The following PTPMT1 variants were observed in gnomAD, a reference collection of about 807,000 sequenced individuals.
PTPMT1 encodes the protein protein tyrosine phosphatase mitochondrial 1, also known as phosphatidylglycerophosphatase and protein-tyrosine phosphatase 1.
PTPMT1 carries 12 observed loss-of-function variants against 17.8 expected under a neutral mutation model. That is an observed-to-expected ratio of 0.67 (90% confidence interval 0.43 to 1.09). PTPMT1 has a LOEUF of 1.09. Among genes scored for constraint, PTPMT1 ranks in the 50% least tolerant of loss-of-function variants. PTPMT1 has a pLI of 0.00. For missense variants in PTPMT1, 262 were observed against 266.0 expected (o/e 0.99, Z 0.10); for synonymous variants, 132 against 116.8 (o/e 1.13, Z -0.84).
At chr11:47,566,077 G>A (rs988370656) in intron 2 of PTPMT1, 91 bp downstream of exon 2, 40 of 1,384,510 alleles carry the variant, frequency 2.9e-5, no homozygotes, top group Non-Finnish European at 3.5e-5. Flanking sequence ...TGTGGGGGAG[G>A]TCACCATGCA....
rs573121358 is a variant in PTPMT1 at position 47,571,771 on chromosome 11, T to C, written c.*142T>C. On this transcript the variant is annotated 3_prime_UTR_variant, in exon 4 of 4. Transcript: ENST00000326674. ...AATAGGTAATTTTTCTTTCTCTGAC[T>C]TGTTTTGTTTTCTTGAAATAACACT... The C allele has an allele frequency of 5.0e-4, 369 of 737,526 alleles. 1 individual carries two copies. In the Middle Eastern group the frequency reaches 5.8e-3, roughly 12 times the overall value. 45.7% of individuals were successfully genotyped at this position (737,526 alleles called of 1,614,324 possible).
chr11:47,571,690 A>G lies in PTPMT1; in HGVS notation c.*61A>G, dbSNP rs2097249820. On this transcript the variant is annotated 3_prime_UTR_variant, in exon 4 of 4. Transcript: ENST00000326674. ...CTTGATACAGAACAAAAAGAGCTTA[A>G]CAGGACCAACAGGGCTTAAGCCCAG... 2.0e-6 allele frequency: 3 copies of G among 1,489,832 alleles called. No individual in the cohort carries two copies. Among genetic ancestry groups the G allele is most frequent in the Non-Finnish European group, 2.8e-6 (3 of 1,084,446 alleles). The allele number at this position is 1,489,832 out of a possible 1,614,324, so 92.3% of individuals were successfully genotyped here. A position where few individuals can be genotyped will look rare whatever the true frequency, so the allele number is the denominator to read the frequency against.
At chr11:47,569,968 G>C in intron 3 of PTPMT1, 77 bp downstream of exon 3, 1 of 1,232,594 alleles carries the variant, frequency 8.1e-7, no homozygotes, top group Non-Finnish European at 1.1e-6. Context: ...TGAGATGGGA[G>C]GATGGCTTGA....
chr11:47,567,636 C>T (rs1440520462), intron 2 of PTPMT1, among the ~76,000 whole-genome samples: 1 of 146,248 alleles, frequency 6.8e-6, no homozygotes, highest in East Asian at 2.2e-4. Context: ...TCTCAGCTCA[C>T]TGCAACCTCT....
At chr11:47,569,133 C>T (rs1471524385) in intron 2 of PTPMT1, among the ~76,000 whole-genome samples, 1 of 152,066 alleles carries the variant, frequency 6.6e-6, no homozygotes, top group Admixed American at 6.6e-5. Flanking sequence ...CACCTGTAAT[C>T]CCAGCACTTT....
chr11:47,570,033 A>C lies in PTPMT1; in HGVS notation c.447+142A>C, dbSNP rs556084189. 2.2e-3 allele frequency: 1,444 copies of C among 654,302 alleles called. 2 individuals are homozygous for C. Among genetic ancestry groups the C allele is most frequent in the Middle Eastern group, 0.011 (26 of 2,338 alleles). 40.5% of individuals were successfully genotyped at this position (654,302 alleles called of 1,614,324 possible). A position where few individuals can be genotyped will look rare whatever the true frequency, so the allele number is the denominator to read the frequency against. On this transcript the variant is annotated intron_variant, in intron 3 of 3. Transcript: ENST00000326674. ...CATGGCAAAACCGTCTCTACAAAAA[A>C]TACAACAAGTTAGCTCAGTGTGGTG...
chr11:47,569,878 C>A lies in PTPMT1; in HGVS notation c.434C>A (p.Ala145Glu). The change falls in exon 3 of 4, where the codon GCA becomes GAA. Residue 145 changes from alanine (A) to glutamate (E), a missense_variant. By Grantham distance (107) the Ala-to-Glu change is moderately radical. Coordinates refer to ENST00000326674, the MANE Select transcript of PTPMT1 (RefSeq NM_175732.3). The stretch of plus-strand genomic sequence containing the variant: ...TCCAGGAGTGCCACTATGGTGGCAG[C>A]ATACCTGATTCAGGTACCAAAGTTC... ...GRSRSATMVA[A>E]YLIQVHKWSP... 6.2e-7 allele frequency: 1 copy of A among 1,611,408 alleles called. No individual in the cohort carries two copies. The highest frequency in any genetic ancestry group is 8.5e-7 in the Non-Finnish European group (1 of 1,178,632).
Position 47,572,813 on chromosome 11 carries a change from G to T in PTPMT1, c.*1184G>T. On this transcript the variant is annotated 3_prime_UTR_variant, in exon 4 of 4. Coordinates refer to ENST00000326674, the MANE Select transcript of PTPMT1 (RefSeq NM_175732.3). ...TCCATGGATTCAGGGAAGGGCTGAGGCACTGCCTTTCTAGTATGTGCCAAA... is the reference window on the plus strand; with the variant it reads ...TCCATGGATTCAGGGAAGGGCTGAGTCACTGCCTTTCTAGTATGTGCCAAA... 2 of 1,054,222 alleles carry T rather than the reference G, an allele frequency of 1.9e-6. No homozygotes were observed. The highest frequency in any genetic ancestry group is 2.7e-6 in the Non-Finnish European group (2 of 731,616). 65.3% of individuals were successfully genotyped at this position (1,054,222 alleles called of 1,614,324 possible). A position where few individuals can be genotyped will look rare whatever the true frequency, so the allele number is the denominator to read the frequency against.
intron 3 of PTPMT1, among the ~76,000 whole-genome samples, chr11:47,571,076 A>G (rs938586148): frequency 2.0e-5 from 3 of 152,178 alleles, no homozygotes; most frequent in Admixed American, 2.0e-4. Flanking sequence ...CATGGTGACA[A>G]GTTGCATAAA....
chr11:47,565,789 C>T lies in PTPMT1; in HGVS notation c.167C>T (p.Thr56Met), dbSNP rs1010328134. 23 of 1,590,996 alleles carry T rather than the reference C, an allele frequency of 1.4e-5. No individual in the cohort carries two copies. Among genetic ancestry groups the T allele is most frequent in the African/African-American group, 2.7e-5 (2 of 74,128 alleles). The change falls in exon 1 of 4, where the codon ACG becomes ATG. Residue 56 changes from threonine (T) to methionine (M), a missense_variant. Transcript: ENST00000326674. ...GGCGCGCTGCCGTTGCGGAGCTTGA[C>T]GCGCCAGGTGAGCCGGGCCGGGGAG... ...LLGALPLRSLTRQLVQDENVR... is the reference protein window; with the variant it reads ...LLGALPLRSLMRQLVQDENVR...
At chr11:47,569,942 A>G (rs753962315) in intron 3 of PTPMT1, 51 bp downstream of exon 3, 1 of 1,482,044 alleles carries the variant, frequency 6.7e-7, no homozygotes, top group Non-Finnish European at 9.3e-7. Context: ...TTATGATCCC[A>G]GCACTTTGGG....
chr11:47,573,043 G>T lies in PTPMT1; in HGVS notation c.*1414G>T. On this transcript the variant is annotated 3_prime_UTR_variant, in exon 4 of 4. Transcript: ENST00000326674. The surrounding 1 kb of genome is among the most constrained non-coding windows in gnomAD (Gnocchi z 4.1). ...GTGTTGGCATCCCCCTTTTTATATC[G>T]GTCCCGGAAGACATAGATGCTCCCG... 3.7e-6 allele frequency: 6 copies of T among 1,614,018 alleles called. No homozygotes were observed. The highest frequency in any genetic ancestry group is 5.1e-6 in the Non-Finnish European group (6 of 1,180,022).
In PTPMT1 at chr11:47,571,750, GGTAATTTTTCTTTCTCTGACTT is replaced by G; in HGVS notation, c.*124_*145del. 1 of 885,888 alleles carries G rather than the reference GGTAATTTTTCTTTCTCTGACTT, an allele frequency of 1.1e-6. No individual in the cohort carries two copies. Among genetic ancestry groups the G allele is most frequent in the Non-Finnish European group, 1.8e-6 (1 of 568,192 alleles). The allele number at this position is 885,888 out of a possible 1,614,324, so 54.9% of individuals were successfully genotyped here. A position where few individuals can be genotyped will look rare whatever the true frequency, so the allele number is the denominator to read the frequency against. On this transcript the variant is annotated 3_prime_UTR_variant, in exon 4 of 4. Transcript: ENST00000326674. ...AACAGAAATGTGCCAATAGGTAATA[GGTAATTTTTCTTTCTCTGACTT>G]GTTTTGTTTTCTTGAAATAACACTG...
chr11:47,566,489 C>CAAAAAAA (rs56146877), intron 2 of PTPMT1, among the ~76,000 whole-genome samples: 1 of 120,548 alleles, frequency 8.3e-6, no homozygotes, highest in African/African-American at 3.1e-5. Flanking sequence ...AACAATGTCT[C>CAAAAAAA]AAAAAAAAAA....
chr11:47,570,539 A>G (rs1160640937), intron 3 of PTPMT1, among the ~76,000 whole-genome samples: 2 of 152,240 alleles, frequency 1.3e-5, no homozygotes, highest in Non-Finnish European at 2.9e-5. Flanking sequence ...AAAAGGCTAG[A>G]CACTTGTTCT....
chr11:47,570,060 T>C (rs775220448), intron 3 of PTPMT1, among the ~76,000 whole-genome samples, 169 bp downstream of exon 3: 2 of 151,850 alleles, frequency 1.3e-5, no homozygotes, highest in African/African-American at 2.4e-5. Context: ...AGTGTGGTGG[T>C]GTGCACCTGT....
chr11:47,567,583 T>TG (rs1467855858), intron 2 of PTPMT1, among the ~76,000 whole-genome samples: 15 of 133,416 alleles, frequency 1.1e-4, no homozygotes. Context: ...TTTTTTGAGA[T>TG]GGAGTCTCAC....
In PTPMT1 at chr11:47,565,799, G is replaced by A. The variant is rs1460402279; in HGVS notation, c.174+3G>A. On this transcript the variant is annotated splice_donor_region_variant and intron_variant, in intron 1 of 3. Transcript: ENST00000326674. ...CGTTGCGGAGCTTGACGCGCCAGGT[G>A]AGCCGGGCCGGGGAGCCCGGGCCCC... 16 of 1,587,738 alleles carry A rather than the reference G, an allele frequency of 1.0e-5. No homozygotes were observed. The highest frequency in any genetic ancestry group is 1.3e-5 in the Non-Finnish European group (15 of 1,168,122).
In PTPMT1 at chr11:47,573,081, A is replaced by G. The variant is rs200689934; in HGVS notation, c.*1452A>G. On this transcript the variant is annotated 3_prime_UTR_variant, in exon 4 of 4. Transcript: ENST00000326674. This position sits in a 1 kb window ranked among gnomAD's most constrained non-coding sequence, Gnocchi z 4.1. ...ATAGATGCTCCCGTTACAGCTGGCAATCTTCCAGAGGGATGGGGCAGAGCT... is the reference window on the plus strand; with the variant it reads ...ATAGATGCTCCCGTTACAGCTGGCAGTCTTCCAGAGGGATGGGGCAGAGCT... The G allele has an allele frequency of 3.7e-6, 6 of 1,614,124 alleles. No individual in the cohort carries two copies. In the African/African-American group the frequency reaches 4.0e-5, roughly 11 times the overall value.
Sources: allele counts gnomAD v4.1 joint callset (sites outside exome capture counted in the v4.1 genomes callset), GRCh38; gene constraint gnomAD v4.1.1; non-coding constraint Gnocchi (gnomAD v3.1); transcripts MANE v1.5; gene names NCBI Gene and HGNC (gene_info 2026-07-23, HGNC 2026-07-21).